Variants in CLVS1 observed in about 807,000 individuals in gnomAD.
CLVS1 encodes the protein clavesin 1.
In CLVS1, 10 loss-of-function variants were observed where a neutral mutation model predicts 33.1. The ratio of observed to expected loss-of-function variants is 0.30; its 90% confidence interval spans 0.19 to 0.51. The LOEUF is 0.51. CLVS1 is among the 20% of genes least tolerant of loss of function. CLVS1 has a pLI of 0.97. For synonymous variants in CLVS1, 163 were observed against 166.1 expected, an observed-to-expected ratio of 0.98 and a Z score of 0.14; for missense variants, 343 against 433.4, an observed-to-expected ratio of 0.79 and a Z score of 1.85.
the CLVS1 span, among the ~76,000 whole-genome samples, chr8:60,990,517 G>A: frequency 6.6e-6 from 1 of 152,084 alleles, no homozygotes; most frequent in Non-Finnish European, 1.5e-5. Context: ...ACCAAAATGT[G>A]GAAATTTGTT....
intron 1 of CLVS1, among the ~76,000 whole-genome samples, chr8:61,077,611 G>T (rs1176191799): frequency 6.6e-6 from 1 of 152,088 alleles, no homozygotes; most frequent in Non-Finnish European, 1.5e-5. Context: ...AAGTAGCTGG[G>T]ATTACAAGCG....
chr8:61,217,296 G>A (rs557367348), intron 2 of CLVS1, among the ~76,000 whole-genome samples: 11 of 152,312 alleles, frequency 7.2e-5, no homozygotes, highest in African/African-American at 2.6e-4. Flanking sequence ...GAGAATGGGA[G>A]GGGCCAAATG....
chr8:61,499,389 C>T (rs1421951237), intron 5 of CLVS1, 66 bp from the exon 6 acceptor site: 1 of 1,167,254 alleles, frequency 8.6e-7, no homozygotes, highest in Non-Finnish European at 1.3e-6. Context: ...CGGATGTCTT[C>T]AAAGGTTCCA....
intron 3 of CLVS1, among the ~76,000 whole-genome samples, chr8:61,415,565 C>T (rs1351634703): frequency 6.6e-6 from 1 of 152,202 alleles, no homozygotes; most frequent in Non-Finnish European, 1.5e-5. Flanking sequence ...AGATTCTCCC[C>T]TCCTTGTCAT....
chr8:61,255,154 A>G, intron 2 of CLVS1, among the ~76,000 whole-genome samples: 1 of 152,198 alleles, frequency 6.6e-6, no homozygotes, highest in East Asian at 1.9e-4. Context: ...ATAAAGTTTT[A>G]TGGAAGACAG....
At chr8:61,369,935 C>T (rs537777404) in intron 2 of CLVS1, among the ~76,000 whole-genome samples, 3 of 152,176 alleles carry the variant, frequency 2.0e-5, no homozygotes, top group Non-Finnish European at 4.4e-5. Flanking sequence ...AGGCAAAGCA[C>T]ACTCTGAAAC....
chr8:61,361,454 A>G (rs1812976217), intron 2 of CLVS1, among the ~76,000 whole-genome samples: 1 of 152,196 alleles, frequency 6.6e-6, no homozygotes, highest in Non-Finnish European at 1.5e-5. Flanking sequence ...TGTAAATTAA[A>G]TACCTCAAAG....
intron 1 of CLVS1, among the ~76,000 whole-genome samples, chr8:61,289,447 G>A (rs1378233285): frequency 6.6e-6 from 1 of 152,194 alleles, no homozygotes; most frequent in Non-Finnish European, 1.5e-5. Flanking sequence ...CAGAAAATAA[G>A]TGCCTGAGCC....
chr8:61,353,650 C>T (rs1812565959), intron 2 of CLVS1, among the ~76,000 whole-genome samples: 1 of 150,174 alleles, frequency 6.7e-6, no homozygotes, highest in Non-Finnish European at 1.5e-5. Flanking sequence ...GGAAAGGTCT[C>T]AAGTCAAAAA....
At chr8:61,164,133 C>T (rs550233462) in intron 2 of CLVS1, among the ~76,000 whole-genome samples, 33 of 152,206 alleles carry the variant, frequency 2.2e-4, no homozygotes, top group Middle Eastern at 3.4e-3. Context: ...TTTAGTGAGC[C>T]CTCTTTACTA....
At chr8:61,273,288 C>T (rs1275195685) in intron 2 of CLVS1, among the ~76,000 whole-genome samples, 2 of 152,136 alleles carry the variant, frequency 1.3e-5, no homozygotes, top group East Asian at 3.9e-4. Context: ...GGGGTGCCTC[C>T]CAGTTAGGTT....
At chr8:61,156,552 T>C (rs1484117759) in intron 2 of CLVS1, among the ~76,000 whole-genome samples, 1 of 152,226 alleles carries the variant, frequency 6.6e-6, no homozygotes, top group Non-Finnish European at 1.5e-5. Flanking sequence ...ATAGAGGATG[T>C]GTATCTGTGT....
At chr8:61,057,296 A>T (rs1804490450) in intron 1 of CLVS1, 1 of 151,508 alleles carries the variant, frequency 6.6e-6, no homozygotes, top group African/African-American at 2.4e-5. Flanking sequence ...TATTTTCTTG[A>T]TTCATAAACA....
intron 2 of CLVS1, among the ~76,000 whole-genome samples, chr8:61,159,167 C>T (rs115956536): frequency 0.011 from 1,638 of 152,314 alleles, 39 homozygotes; most frequent in African/African-American, 0.038. Context: ...ATGAGCCATG[C>T]AATGGCTGAA....
chr8:61,360,152 G>C (rs1212740201), intron 2 of CLVS1, among the ~76,000 whole-genome samples: 1 of 152,148 alleles, frequency 6.6e-6, no homozygotes, highest in Non-Finnish European at 1.5e-5. Flanking sequence ...GACCACTTAG[G>C]ATCTTCAGTT....
At chr8:61,032,136 A>AGT in the CLVS1 span, among the ~76,000 whole-genome samples, 1 of 152,188 alleles carries the variant, frequency 6.6e-6, no homozygotes, top group Non-Finnish European at 1.5e-5. Flanking sequence ...GGGCCTGGGA[A>AGT]GTGTAGCAGC....
At chr8:61,288,287 C>T in intron 1 of CLVS1, 149 bp downstream of exon 1, 2 of 456,152 alleles carry the variant, frequency 4.4e-6, no homozygotes, top group South Asian at 3.1e-5. Context: ...CCTCCCGCAC[C>T]GCACCCCGCT....
chr8:61,318,112 A>G (rs950391079), intron 2 of CLVS1, among the ~76,000 whole-genome samples: 4 of 152,152 alleles, frequency 2.6e-5, no homozygotes, highest in African/African-American at 9.7e-5. Context: ...ATTTAGTTAT[A>G]AATTAAAATT....
chr8:61,366,776 T>A (rs1451500291), intron 2 of CLVS1, among the ~76,000 whole-genome samples: 1 of 152,218 alleles, frequency 6.6e-6, no homozygotes, highest in Non-Finnish European at 1.5e-5. Context: ...TCCTTTGTTA[T>A]AAATAGGACA....
Sources: allele counts gnomAD v4.1 joint callset (sites outside exome capture counted in the v4.1 genomes callset), GRCh38; gene constraint gnomAD v4.1.1; transcripts MANE v1.5; gene names NCBI Gene and HGNC (gene_info 2026-07-23, HGNC 2026-07-21).